Variants in TIAM2 observed in about 807,000 individuals in gnomAD.
TIAM2 encodes the protein rho guanine nucleotide exchange factor TIAM2.
TIAM2 carries 80 observed loss-of-function variants against 152.9 expected under a neutral mutation model. The ratio of observed to expected loss-of-function variants is 0.52; its 90% confidence interval spans 0.44 to 0.63. The LOEUF (loss-of-function observed/expected upper bound fraction) is 0.63. Ranked by LOEUF, TIAM2 falls within the 30% of genes least tolerant of loss-of-function variation. TIAM2 has a pLI of 0.00. For missense variants in TIAM2, 1,965 were observed against 2,120.1 expected (o/e 0.93, Z 1.44); for synonymous variants, 804 against 838.0 (o/e 0.96, Z 0.70).
intron 1 of TIAM2, among the ~76,000 whole-genome samples, chr6:155,083,080 G>A (rs1211619305): frequency 6.6e-6 from 1 of 152,148 alleles, no homozygotes; most frequent in Non-Finnish European, 1.5e-5. Flanking sequence ...GGGCACAGTG[G>A]CTCATGCCTG....
At chr6:155,200,902 A>AAAAAT (rs1210640896) in intron 14 of TIAM2, among the ~76,000 whole-genome samples, 2 of 152,160 alleles carry the variant, frequency 1.3e-5, no homozygotes, top group Non-Finnish European at 2.9e-5. Context: ...ACTCTGTCTC[A>AAAAAT]AAAATAAAAT....
At chr6:155,011,282 C>T (rs1205115156) in intron 1 of TIAM2, among the ~76,000 whole-genome samples, 1 of 152,114 alleles carries the variant, frequency 6.6e-6, no homozygotes, top group Non-Finnish European at 1.5e-5. Context: ...ACCTTTTGGA[C>T]AGGCGATCAT....
intron 15 of TIAM2, among the ~76,000 whole-genome samples, chr6:155,224,615 AT>A (rs1320672590): frequency 1.3e-5 from 2 of 152,174 alleles, no homozygotes; most frequent in Non-Finnish European, 2.9e-5. Flanking sequence ...GGCACCCCCA[AT>A]TCTCTTTCCC....
intron 14 of TIAM2, among the ~76,000 whole-genome samples, chr6:155,185,254 G>A (rs1781014108): frequency 6.9e-6 from 1 of 145,514 alleles, no homozygotes; most frequent in African/African-American, 2.5e-5. Context: ...AGCCTCTGAA[G>A]TAGCTGGGAC....
intron 2 of TIAM2, among the ~76,000 whole-genome samples, chr6:155,124,021 AT>A (rs1393706661): frequency 6.6e-6 from 1 of 152,168 alleles, no homozygotes; most frequent in East Asian, 1.9e-4. Flanking sequence ...TATCATCATC[AT>A]TTTTGAGACA....
rs370258106 is a variant in TIAM2 at position 155,256,478 on chromosome 6, C to T, written c.4469-6C>T. 392 of 1,614,036 alleles carry T rather than the reference C, an allele frequency of 2.4e-4. No individual in the cohort carries two copies. The highest frequency in any genetic ancestry group is 3.2e-4 in the Non-Finnish European group (375 of 1,180,054). ...ATCACAGCGAAATGTGTTTTTCTCA[C>T]TGTAGCTTCATCCAGGTCTTTAAAA... On this transcript the variant is annotated splice_polypyrimidine_tract_variant and splice_region_variant and intron_variant, in intron 26 of 26. Coordinates refer to ENST00000682666, the MANE Select transcript of TIAM2 (RefSeq NM_012454.4).
At chr6:155,003,347 G>A (rs769690567) in intron 1 of TIAM2, among the ~76,000 whole-genome samples, 6 of 152,012 alleles carry the variant, frequency 3.9e-5, no homozygotes, top group Non-Finnish European at 8.8e-5. Flanking sequence ...AGGTGTAGTG[G>A]TGCACGCCTG....
At chr6:155,097,364 CA>C (rs1259613280) in intron 2 of TIAM2, among the ~76,000 whole-genome samples, 2 of 151,972 alleles carry the variant, frequency 1.3e-5, no homozygotes, top group African/African-American at 4.8e-5. Context: ...TTTTTTGAAA[CA>C]GGGTCTTCTT....
intron 10 of TIAM2, 32 bp downstream of exon 10, chr6:155,177,009 GA>G (rs781697068): frequency 6.3e-7 from 1 of 1,585,228 alleles, no homozygotes; most frequent in Non-Finnish European, 8.6e-7. Context: ...ATATATTTCT[GA>G]ATAGAAATAA....
chr6:155,216,001 G>A (rs894533108), intron 15 of TIAM2, among the ~76,000 whole-genome samples: 2 of 151,968 alleles, frequency 1.3e-5, no homozygotes, highest in African/African-American at 4.8e-5. Context: ...TAGAGACTAG[G>A]TCTCACTGTG....
intron 2 of TIAM2, among the ~76,000 whole-genome samples, chr6:155,115,610 A>G (rs1194095533): frequency 1.3e-5 from 2 of 152,166 alleles, no homozygotes. Context: ...CCGTGATCAC[A>G]CCACTGTACT....
chr6:155,130,574 A>G (rs948351018), intron 4 of TIAM2, among the ~76,000 whole-genome samples, 157 bp downstream of exon 4: 5 of 152,180 alleles, frequency 3.3e-5, no homozygotes, highest in Non-Finnish European at 5.9e-5. Context: ...CTCATTTTCA[A>G]GTGTGGGTTT....
At chr6:155,028,826 G>A (rs1427976364) in intron 1 of TIAM2, among the ~76,000 whole-genome samples, 3 of 130,070 alleles carry the variant, frequency 2.3e-5, no homozygotes, top group South Asian at 2.4e-4. Context: ...TATATATACT[G>A]TGTTATATAT....
chr6:155,092,732 G>A (rs928540597), intron 2 of TIAM2, among the ~76,000 whole-genome samples: 3 of 152,116 alleles, frequency 2.0e-5, no homozygotes, highest in Non-Finnish European at 2.9e-5. Flanking sequence ...GTGCATGTCT[G>A]TAATCCCAGC....
chr6:155,052,773 CAAAA>C (rs10545743), intron 1 of TIAM2, among the ~76,000 whole-genome samples: 12 of 117,004 alleles, frequency 1.0e-4, no homozygotes, highest in African/African-American at 9.8e-5. Context: ...AACTCCATCT[CAAAA>C]AAAAAAAAAA....
At chr6:155,252,887 A>G in intron 23 of TIAM2, 61 bp from the exon 24 acceptor site, 11 of 1,454,278 alleles carry the variant, frequency 7.6e-6, no homozygotes, top group Non-Finnish European at 1.1e-5. Context: ...TTCACTGTGC[A>G]CACATCCTCC....
chr6:155,222,126 G>A (rs531910942), intron 15 of TIAM2, among the ~76,000 whole-genome samples: 1 of 151,780 alleles, frequency 6.6e-6, no homozygotes, highest in East Asian at 2.0e-4. Context: ...GCTAATTTTT[G>A]TATTTTTACT....
At chr6:155,217,421 ATATT>A (rs1165448632) in intron 15 of TIAM2, among the ~76,000 whole-genome samples, 1 of 152,240 alleles carries the variant, frequency 6.6e-6, no homozygotes, top group Non-Finnish European at 1.5e-5. Flanking sequence ...GCCTAGGCAA[ATATT>A]TACTCTACAA....
chr6:155,085,873 G>A (rs1030987866), intron 1 of TIAM2, among the ~76,000 whole-genome samples: 1 of 152,230 alleles, frequency 6.6e-6, no homozygotes, highest in African/African-American at 2.4e-5. Flanking sequence ...CACTCTTTGT[G>A]TAAGCAAAAG....
Sources: allele counts gnomAD v4.1 joint callset (sites outside exome capture counted in the v4.1 genomes callset), GRCh38; gene constraint gnomAD v4.1.1; transcripts MANE v1.5; gene names NCBI Gene and HGNC (gene_info 2026-07-23, HGNC 2026-07-21).